The following RNF10 variants were observed in gnomAD, a reference collection of about 807,000 sequenced individuals.
RNF10 encodes ring finger protein 10.
A neutral mutation model predicts 91.4 loss-of-function variants in RNF10; 38 were observed. The observed-to-expected ratio is 0.42, with a 90% CI of 0.32 to 0.54. The LOEUF (loss-of-function observed/expected upper bound fraction) is 0.54, where lower values mean the gene tolerates loss of function less well. RNF10 is among the 20% of genes least tolerant of loss of function. RNF10 has a pLI of 0.16. For missense variants in RNF10, 945 were observed against 1,012.0 expected, an observed-to-expected ratio of 0.93 and a Z score of 0.90; for synonymous variants, 364 against 366.3, an observed-to-expected ratio of 0.99 and a Z score of 0.07.
At chr12:120,568,371 A>G (rs1876094644) in intron 13 of RNF10, among the ~76,000 whole-genome samples, 1 of 152,370 alleles carries the variant, frequency 6.6e-6, no homozygotes, top group South Asian at 2.1e-4. Flanking sequence ...CTTATATATA[A>G]AGAATGTTTA....
At chr12:120,556,508 G>T (rs1455011611) in intron 4 of RNF10, among the ~76,000 whole-genome samples, 3 of 120,310 alleles carry the variant, frequency 2.5e-5, no homozygotes, top group African/African-American at 9.6e-5. Context: ...TCCAGCCTGG[G>T]TGACAGAGTG....
chr12:120,549,390 G>T (rs1872724830), intron 2 of RNF10, among the ~76,000 whole-genome samples: 1 of 152,160 alleles, frequency 6.6e-6, no homozygotes, highest in Non-Finnish European at 1.5e-5. Flanking sequence ...GGTTGTATTT[G>T]TTAGCCCTGT....
Position 120,577,343 on chromosome 12 carries a change from C to CGT in RNF10, c.*677_*678insGT, listed in dbSNP as rs1200204119. The stretch of plus-strand genomic sequence containing the variant: ...CTCACGAAGCCCTGAGACCTGCTAC[C>CGT]CCTAAGATCGAGCTTGTTTTCAGTG... On this transcript the variant is annotated 3_prime_UTR_variant, in exon 17 of 17. Coordinates refer to ENST00000325954, the MANE Select transcript of RNF10 (RefSeq NM_014868.5). 2.0e-5 allele frequency: 7 copies of CGT among 355,714 alleles called. No homozygotes were observed. The highest frequency in any genetic ancestry group is 4.4e-5 in the African/African-American group (2 of 45,438). The allele number at this position is 355,714 out of a possible 1,614,324, so 22.0% of individuals were successfully genotyped here.
At chr12:120,557,216 C>T in intron 4 of RNF10, 66 bp from the exon 5 acceptor site, 1 of 1,499,914 alleles carries the variant, frequency 6.7e-7, no homozygotes. Flanking sequence ...GTAGAGAGGC[C>T]TAAAACTTTG....
At chr12:120,536,280 C>T (rs754895834) in intron 1 of RNF10, among the ~76,000 whole-genome samples, 5 of 151,822 alleles carry the variant, frequency 3.3e-5, no homozygotes, top group Non-Finnish European at 7.4e-5. Flanking sequence ...AAAAATTAGC[C>T]GAGTGTGGTG....
rs1178861037 is a variant in RNF10, at chr12:120,534,626, T to C, written c.-186T>C. 1.5e-6 allele frequency: 2 copies of C among 1,301,942 alleles called. No individual in the cohort carries two copies. Among genetic ancestry groups the C allele is most frequent in the East Asian group, 6.5e-5 (2 of 30,942 alleles). 80.6% of individuals were successfully genotyped at this position (1,301,942 alleles called of 1,614,324 possible). ...TCCTCGGTCGCCGCTGCCGCCGGGCTTAACAGCCCCGTCCGCCGCTTCTCT... is the reference window on the plus strand; with the variant it reads ...TCCTCGGTCGCCGCTGCCGCCGGGCCTAACAGCCCCGTCCGCCGCTTCTCT... On this transcript the variant is annotated 5_prime_UTR_variant, in exon 1 of 17. Transcript: ENST00000325954.
chr12:120,539,248 A>G, intron 1 of RNF10: 1 of 424,626 alleles, frequency 2.4e-6, no homozygotes, highest in South Asian at 1.8e-5. Flanking sequence ...GTCCAAGTAA[A>G]TTTTTATGAA....
chr12:120,568,232 C>T (rs906576301), intron 13 of RNF10, among the ~76,000 whole-genome samples: 1 of 150,854 alleles, frequency 6.6e-6, no homozygotes, highest in African/African-American at 2.4e-5. Flanking sequence ...GCAACACAGC[C>T]AGACCCTCTC....
intron 1 of RNF10, among the ~76,000 whole-genome samples, chr12:120,545,303 TC>T (rs1300639289): frequency 1.3e-5 from 2 of 150,628 alleles, no homozygotes; most frequent in Non-Finnish European, 2.9e-5. Context: ...TGCCTCAGCC[TC>T]CCGAGTAGCT....
rs1877428844 is a variant in RNF10, at chr12:120,576,609, A to G, written c.2379A>G (p.Lys793=). Residue 793 remains lysine, a synonymous_variant, in exon 17 of 17, where the codon AAA becomes AAG. Transcript: ENST00000325954. ...CTTTAGAAGAGAAAGGAGGAAAGAAAAGAAAAAAACAGAAACAGAAGCTCC... is the reference window on the plus strand; with the variant it reads ...CTTTAGAAGAGAAAGGAGGAAAGAAGAGAAAAAAACAGAAACAGAAGCTCC... ...DPLSEEKGGK[K]RKKQKQKLLF... is the part of the protein sequence containing the mutation. The G allele has an allele frequency of 4.3e-6, 7 of 1,614,074 alleles. No homozygotes were observed. Among genetic ancestry groups the G allele is most frequent in the Non-Finnish European group, 5.9e-6 (7 of 1,179,968 alleles).
At chr12:120,547,062 T>TG (rs1872446445) in intron 2 of RNF10, among the ~76,000 whole-genome samples, 1 of 152,150 alleles carries the variant, frequency 6.6e-6, no homozygotes, top group Non-Finnish European at 1.5e-5. Flanking sequence ...TGTTTGTAGT[T>TG]GCGAAATTGG....
At chr12:120,571,087 T>A in intron 13 of RNF10, 104 bp from the exon 14 acceptor site, 3 of 676,394 alleles carry the variant, frequency 4.4e-6, no homozygotes, top group Non-Finnish European at 7.6e-6. Context: ...TTTGAGGGGA[T>A]GATTTGTAAT....
At chr12:120,551,060 A>G (rs1236964258) in intron 2 of RNF10, among the ~76,000 whole-genome samples, 4 of 151,936 alleles carry the variant, frequency 2.6e-5, no homozygotes, top group Non-Finnish European at 1.5e-5. Flanking sequence ...ATTGTGGCCC[A>G]CTGCAGCCTT....
At chr12:120,571,377 T>C in intron 14 of RNF10, 86 bp downstream of exon 14, 1 of 970,682 alleles carries the variant, frequency 1.0e-6, no homozygotes, top group Non-Finnish European at 1.6e-6. Flanking sequence ...CCAGGGATTG[T>C]TACCTCTCAT....
Position 120,577,195 on chromosome 12 carries a change from T to TC in RNF10, c.*530dup, listed in dbSNP as rs1248339104. 1 of 454,544 alleles carries TC rather than the reference T, an allele frequency of 2.2e-6. No homozygotes were observed. Among genetic ancestry groups the TC allele is most frequent in the South Asian group, 1.6e-5 (1 of 64,266 alleles). 28.2% of individuals were successfully genotyped at this position (454,544 alleles called of 1,614,324 possible). A position where few individuals can be genotyped will look rare whatever the true frequency, so the allele number is the denominator to read the frequency against. ...CAGTTTGAATTGCAGTTTTTTTTTT[T>TC]CTGACACATGGCCAGGCTGTGGTGC... On this transcript the variant is annotated 3_prime_UTR_variant, in exon 17 of 17. Coordinates refer to ENST00000325954, the MANE Select transcript of RNF10 (RefSeq NM_014868.5).
chr12:120,554,414 C>T (rs1593077193), intron 3 of RNF10: 2 of 301,400 alleles, frequency 6.6e-6, no homozygotes, highest in East Asian at 9.5e-5. Context: ...GGAAATCTGG[C>T]TTACTGCTGT....
intron 1 of RNF10, among the ~76,000 whole-genome samples, chr12:120,540,601 A>G (rs919027462): frequency 6.6e-6 from 1 of 152,154 alleles, no homozygotes; most frequent in African/African-American, 2.4e-5. Context: ...GCCTGGGTCT[A>G]GAGATAAGAG....
At chr12:120,550,431 G>A (rs1872870896) in intron 2 of RNF10, among the ~76,000 whole-genome samples, 1 of 152,064 alleles carries the variant, frequency 6.6e-6, no homozygotes, top group African/African-American at 2.4e-5. Flanking sequence ...TGTTGACTGA[G>A]CACAAGCTCT....
chr12:120,572,656 C>T (rs557084986), intron 14 of RNF10, among the ~76,000 whole-genome samples: 21 of 152,076 alleles, frequency 1.4e-4, no homozygotes, highest in South Asian at 2.1e-4. Flanking sequence ...AGTGCAATGG[C>T]GTGATCTCGG....
Sources: allele counts gnomAD v4.1 joint callset (sites outside exome capture counted in the v4.1 genomes callset), GRCh38; gene constraint gnomAD v4.1.1; transcripts MANE v1.5; gene names NCBI Gene and HGNC (gene_info 2026-07-23, HGNC 2026-07-21).